Variants in ZKSCAN7 observed in about 807,000 individuals in gnomAD.
The protein encoded by ZKSCAN7 is zinc finger with KRAB and SCAN domains 7, also known as zinc finger protein with KRAB and SCAN domains 7.
In ZKSCAN7, 38 loss-of-function variants were observed where a neutral mutation model predicts 65.3. That is an observed-to-expected ratio of 0.58 (90% CI 0.45 to 0.76). The LOEUF is 0.76. Among genes scored for constraint, ZKSCAN7 ranks in the 30% least tolerant of loss-of-function variants. The pLI is 0.00. For missense variants in ZKSCAN7, 815 were observed against 913.3 expected (o/e 0.89, Z 1.39); for synonymous variants, 321 against 321.0 (o/e 1.00, Z 0.00).
chr3:44,582,416 A>G (rs1350415343), intron 5 of ZKSCAN7, among the ~76,000 whole-genome samples: 1 of 152,186 alleles, frequency 6.6e-6, no homozygotes, highest in Non-Finnish European at 1.5e-5. Flanking sequence ...TAAAATTACA[A>G]TGTTTTTTCC....
At position 44,578,635 on chromosome 3, in the gene ZKSCAN7, C is replaced by T. The variant is rs562451423; in HGVS notation, c.812-4337C>T. Among the ~76,000 whole-genome samples, 10 of 152,328 alleles carry T rather than the reference C, an allele frequency of 6.6e-5. No homozygotes were observed. The East Asian group carries it at 1.2e-3, about 18-fold the overall frequency. Reference sequence around the variant, plus strand: ...ACTGGCGCCGCAGGGCCTCAACATCCGAGTTGACGCTGCTGATCTGGGACC... The same window carrying T: ...ACTGGCGCCGCAGGGCCTCAACATCTGAGTTGACGCTGCTGATCTGGGACC... On this transcript the variant is annotated intron_variant, in intron 5 of 5. Transcript: ENST00000341840.
At position 44,556,961 on chromosome 3, in the gene ZKSCAN7, T is replaced by C; in HGVS notation, c.-87T>C. On this transcript the variant is annotated 5_prime_UTR_variant, in exon 2 of 6. An upstream open reading frame in the 5' UTR loses its in-frame stop. Transcript: ENST00000426540. ...CTACCATCACCCCTTTCTCCAACCC[T>C]GAAAAACAGTTCCTGAGACCTGAAC... 1 of 1,577,524 alleles carries C rather than the reference T, an allele frequency of 6.3e-7. No homozygotes were observed. The highest frequency in any genetic ancestry group is 1.1e-5 in the South Asian group (1 of 88,108).
downstream of ZKSCAN7, among the ~76,000 whole-genome samples, chr3:44,576,710 A>T (rs1699930291): frequency 6.6e-6 from 1 of 152,184 alleles, no homozygotes; most frequent in Non-Finnish European, 1.5e-5. Flanking sequence ...TGAAGCTAAA[A>T]GGTTAGTTGT....
intron 2 of ZKSCAN7, among the ~76,000 whole-genome samples, chr3:44,564,743 T>C (rs989775926): frequency 6.6e-6 from 1 of 152,170 alleles, no homozygotes; most frequent in South Asian, 2.1e-4. Flanking sequence ...AATCTTATCT[T>C]TTTTTACACT....
intron 5 of ZKSCAN7, among the ~76,000 whole-genome samples, chr3:44,582,240 G>C (rs1413594731): frequency 6.6e-6 from 1 of 152,048 alleles, no homozygotes; most frequent in East Asian, 1.9e-4. Flanking sequence ...ATATGCACAG[G>C]GTCACTTTAC....
intron 5 of ZKSCAN7, chr3:44,581,088 G>A (rs1308361294): frequency 2.9e-6 from 3 of 1,035,716 alleles, no homozygotes; most frequent in Non-Finnish European, 3.5e-6. Context: ...GCGGGCTAGG[G>A]GCTCAGCGCG....
At chr3:44,562,794 C>A (rs1231199828) in intron 2 of ZKSCAN7, among the ~76,000 whole-genome samples, 5 of 151,974 alleles carry the variant, frequency 3.3e-5, no homozygotes. Context: ...CACGGTGAAA[C>A]CCCATCTCTA....
chr3:44,574,936 AAAAAC>A (rs1011464545), downstream of ZKSCAN7, among the ~76,000 whole-genome samples: 52 of 152,244 alleles, frequency 3.4e-4, no homozygotes, highest in African/African-American at 1.2e-3. Flanking sequence ...ATCTCAAAAG[AAAAAC>A]AAAACAAAAC....
Position 44,569,912 on chromosome 3 carries a change from C to T in ZKSCAN7, c.812-10C>T, listed in dbSNP as rs1399462696. 3 of 1,514,214 alleles carry T rather than the reference C, an allele frequency of 2.0e-6. No individual in the cohort carries two copies. The highest frequency in any genetic ancestry group is 1.4e-5 in the African/African-American group (1 of 71,542). The allele number at this position is 1,514,214 out of a possible 1,614,324, so 93.8% of individuals were successfully genotyped here. ...ATGGGTAAAAGTTGTTGTCTTCTTT[C>T]TTTGGGCAGCAGGTGAGAACATGAT... On this transcript the variant is annotated splice_polypyrimidine_tract_variant and intron_variant, in intron 5 of 5. Transcript: ENST00000426540.
At chr3:44,562,523 T>G (rs1699504448) in intron 2 of ZKSCAN7, among the ~76,000 whole-genome samples, 1 of 152,206 alleles carries the variant, frequency 6.6e-6, no homozygotes, top group Non-Finnish European at 1.5e-5. Flanking sequence ...AGAAAACGGG[T>G]TTTTCTTTTC....
At chr3:44,580,802 G>A in intron 5 of ZKSCAN7, 2 of 1,612,894 alleles carry the variant, frequency 1.2e-6, no homozygotes, top group Middle Eastern at 1.7e-4. Flanking sequence ...GCTCGTAAAG[G>A]ATGAAGAACT....
Position 44,571,145 on chromosome 3 carries a change from A to G in ZKSCAN7, c.2035A>G (p.Met679Val), listed in dbSNP as rs1699795495. Reference protein sequence around the residue: ...GKVFSYSSSLMVHQRTHTGEK... With the variant: ...GKVFSYSSSLVVHQRTHTGEK... ...GGTATTCAGTTATAGCTCCAGCCTT[A>G]TGGTACATCAGAGAACCCATACTGG... The change falls in exon 6 of 6, where the codon ATG becomes GTG. Residue 679 changes from methionine to valine, a missense_variant. This residue lies in a region of ZKSCAN7 where 578 missense variants were observed against 629.5 expected (regional missense o/e 0.92). Coordinates refer to ENST00000426540, the MANE Select transcript of ZKSCAN7 (RefSeq NM_001288590.2). 6.2e-7 allele frequency: 1 copy of G among 1,614,216 alleles called. No individual in the cohort carries two copies. The highest frequency in any genetic ancestry group is 1.3e-5 in the African/African-American group (1 of 75,044).
intron 5 of ZKSCAN7, among the ~76,000 whole-genome samples, chr3:44,577,288 T>G (rs976981744): frequency 7.2e-5 from 11 of 151,986 alleles, no homozygotes; most frequent in Non-Finnish European, 1.3e-4. Context: ...ATTCTTTTTT[T>G]TTTTGTTTTT....
rs764595924 is a variant in ZKSCAN7 at position 44,557,395 on chromosome 3, G to A, written c.348G>A (p.Leu116=). 1.9e-6 allele frequency: 3 copies of A among 1,614,116 alleles called. No homozygotes were observed. Among genetic ancestry groups the A allele is most frequent in the Non-Finnish European group, 2.5e-6 (3 of 1,180,048 alleles). The change falls in exon 2 of 6, where the codon CTG becomes CTA. Residue 116 remains leucine, a synonymous_variant. Coordinates refer to ENST00000426540, the MANE Select transcript of ZKSCAN7 (RefSeq NM_001288590.2). ...GGGAGCTCCGGACCTGGGTGCAGCT[G>A]CATCACCCTGAGAGTGGTGAGGAGG... ...LPGELRTWVQ[L]HHPESGEEAV...
intron 2 of ZKSCAN7, among the ~76,000 whole-genome samples, chr3:44,565,055 G>A (rs749349983): frequency 2.6e-5 from 4 of 152,092 alleles, no homozygotes; most frequent in South Asian, 2.1e-4. Flanking sequence ...CAACCACCTC[G>A]GCCTCCAAAA....
intron 2 of ZKSCAN7, among the ~76,000 whole-genome samples, chr3:44,558,496 G>A (rs2125708886): frequency 6.6e-6 from 1 of 150,764 alleles, no homozygotes; most frequent in Non-Finnish European, 1.5e-5. Flanking sequence ...CTGCACTCCA[G>A]CCTGGGTGAC....
intron 5 of ZKSCAN7, chr3:44,581,022 G>A (rs1284787656): frequency 7.6e-6 from 12 of 1,585,314 alleles, no homozygotes; most frequent in African/African-American, 2.7e-5. Context: ...CTTGGCTGCC[G>A]ACATGGTCGG....
At chr3:44,567,483 T>C (rs1450106219) in intron 3 of ZKSCAN7, among the ~76,000 whole-genome samples, 1 of 152,138 alleles carries the variant, frequency 6.6e-6, no homozygotes, top group African/African-American at 2.4e-5. Context: ...GAGAGCAGTA[T>C]TAAAGCAATG....
In ZKSCAN7 at chr3:44,568,007, A is replaced by G; in HGVS notation, c.684+4A>G. On this transcript the variant is annotated splice_donor_region_variant and intron_variant, in intron 4 of 5. Transcript: ENST00000426540. ...ACTTCGGATGGTCAGGCCCCAGGTG[A>G]GCTTGGTTCTTTGTGTTTTTACCAA... 7.1e-7 allele frequency: 1 copy of G among 1,414,238 alleles called. No individual in the cohort carries two copies. The highest frequency in any genetic ancestry group is 9.7e-7 in the Non-Finnish European group (1 of 1,036,078). 87.6% of individuals were successfully genotyped at this position (1,414,238 alleles called of 1,614,324 possible).
Sources: allele counts gnomAD v4.1 joint callset (sites outside exome capture counted in the v4.1 genomes callset), GRCh38; gene constraint gnomAD v4.1.1; regional missense constraint gnomAD v4.1.1; transcripts MANE v1.5; gene names NCBI Gene and HGNC (gene_info 2026-07-23, HGNC 2026-07-21).